ROS1: variants seen among roughly 807,000 people sequenced by gnomAD.
The protein encoded by ROS1 is ROS proto-oncogene 1, receptor tyrosine kinase, also known as proto-oncogene tyrosine-protein kinase ROS.
In ROS1, 263 loss-of-function variants were observed where a neutral mutation model predicts 273.5. The observed-to-expected ratio is 0.96, with a 90% CI of 0.87 to 1.06. The LOEUF is 1.06. Among genes scored for constraint, ROS1 ranks in the 50% least tolerant of loss-of-function variants. The pLI, the probability that ROS1 is intolerant of heterozygous loss-of-function variation, is 0.00. For missense variants in ROS1, 2,833 were observed against 2,751.1 expected (o/e 1.03, Z -0.67); for synonymous variants, 1,008 against 954.1 (o/e 1.06, Z -1.04).
At chr6:117,321,577 G>T (rs181363868) in intron 35 of ROS1, among the ~76,000 whole-genome samples, 183 bp from the exon 36 acceptor site, 2 of 152,066 alleles carry the variant, frequency 1.3e-5, no homozygotes, top group East Asian at 3.9e-4. Flanking sequence ...CAGGTAAAAA[G>T]CCATATATAA....
At chr6:117,407,174 C>T (rs1240981552) in intron 5 of ROS1, among the ~76,000 whole-genome samples, 1 of 152,252 alleles carries the variant, frequency 6.6e-6, no homozygotes, top group Non-Finnish European at 1.5e-5. Context: ...ATAAGTTTCC[C>T]CTTCCAATTT....
intron 34 of ROS1, among the ~76,000 whole-genome samples, chr6:117,325,527 A>G (rs1582625887): frequency 6.6e-6 from 1 of 152,298 alleles, no homozygotes; most frequent in East Asian, 1.9e-4. Context: ...GTAAATGGAG[A>G]GCCATTGTGG....
At chr6:117,367,219 A>G (rs1022196229) in intron 18 of ROS1, among the ~76,000 whole-genome samples, 2 of 152,232 alleles carry the variant, frequency 1.3e-5, no homozygotes, top group Non-Finnish European at 2.9e-5. Flanking sequence ...AATGCAATAA[A>G]TCATGATGGA....
chr6:117,387,950 G>T lies in ROS1; in HGVS notation c.1829C>A (p.Ser610Tyr), dbSNP rs188607208. 89 of 1,614,110 alleles carry T rather than the reference G, an allele frequency of 5.5e-5. No individual in the cohort carries two copies. In the East Asian group the frequency reaches 1.8e-3, roughly 32 times the overall value. Residue 610 changes from serine (S) to tyrosine (Y), a missense_variant, in exon 14 of 44, where the codon TCC becomes TAC. Transcript: ENST00000368507. ...WQNWTYEVKV[S>Y]TQDPPEVTHI... ...AGTGACTTCAGGAGGGTCTTGGGTGGATACTTTCACCTCATAGGTCCAGTT... is the reference window on the plus strand; with the variant it reads ...AGTGACTTCAGGAGGGTCTTGGGTGTATACTTTCACCTCATAGGTCCAGTT...
intron 35 of ROS1, among the ~76,000 whole-genome samples, chr6:117,322,596 AG>A (rs770483210): frequency 6.6e-6 from 1 of 152,244 alleles, no homozygotes; most frequent in Non-Finnish European, 1.5e-5. Context: ...GTTATGCATT[AG>A]ATATGACTGC....
chr6:117,376,966 T>C (rs1781380268), intron 18 of ROS1, among the ~76,000 whole-genome samples: 2 of 152,170 alleles, frequency 1.3e-5, no homozygotes, highest in Admixed American at 6.5e-5. Context: ...CAAAGCAAAG[T>C]AGAAGGACTG....
At chr6:117,310,598 T>A (rs1255684122) in intron 40 of ROS1, among the ~76,000 whole-genome samples, 1 of 152,084 alleles carries the variant, frequency 6.6e-6, no homozygotes, top group Non-Finnish European at 1.5e-5. Context: ...TGTGTCCATG[T>A]GTTCTCATTG....
At chr6:117,419,150 A>G (rs1288126871) in intron 1 of ROS1, among the ~76,000 whole-genome samples, 2 of 152,196 alleles carry the variant, frequency 1.3e-5, no homozygotes, top group Admixed American at 6.5e-5. Flanking sequence ...AGAAGAGAGC[A>G]GCATTCTATC....
intron 32 of ROS1, among the ~76,000 whole-genome samples, chr6:117,333,034 A>G (rs1337730353): frequency 2.6e-5 from 4 of 152,050 alleles, no homozygotes; most frequent in African/African-American, 9.6e-5. Context: ...AAAGCCCTCC[A>G]AAAAAAATCA....
intron 26 of ROS1, among the ~76,000 whole-genome samples, chr6:117,356,132 T>C (rs986632786): frequency 2.0e-5 from 3 of 152,226 alleles, no homozygotes; most frequent in African/African-American, 7.2e-5. Flanking sequence ...GACCAATTCA[T>C]GTTGAAAGTG....
intron 43 of ROS1, among the ~76,000 whole-genome samples, chr6:117,289,155 CTTAA>C: frequency 6.6e-6 from 1 of 152,214 alleles, no homozygotes. Context: ...TGTGATAGGA[CTTAA>C]TTGGCCCTTA....
At chr6:117,342,633 T>A (rs1213482161) in intron 28 of ROS1, 89 bp from the exon 29 acceptor site, 20 of 862,146 alleles carry the variant, frequency 2.3e-5, no homozygotes, top group Non-Finnish European at 3.1e-5. Context: ...AGAACAAAGT[T>A]AAAGGCTCAA....
At chr6:117,403,862 T>C (rs1228123140) in intron 6 of ROS1, among the ~76,000 whole-genome samples, 1 of 141,626 alleles carries the variant, frequency 7.1e-6, no homozygotes, top group Admixed American at 6.7e-5. Context: ...GAGATTAAAG[T>C]TCATCTGAAC....
intron 37 of ROS1, among the ~76,000 whole-genome samples, 186 bp from the exon 38 acceptor site, chr6:117,318,438 A>G (rs1331532231): frequency 6.6e-6 from 1 of 152,146 alleles, no homozygotes; most frequent in Non-Finnish European, 1.5e-5. Flanking sequence ...TGCTAGTAGA[A>G]GAATATGCAA....
intron 31 of ROS1, among the ~76,000 whole-genome samples, chr6:117,337,543 C>T: frequency 1.3e-5 from 2 of 150,114 alleles, no homozygotes; most frequent in South Asian, 2.3e-4. Flanking sequence ...AACTGATTTA[C>T]ATGACTGTTC....
Position 117,301,006 on chromosome 6 carries a change from T to C in ROS1, c.6683A>G (p.Asn2228Ser). 1.3e-6 allele frequency: 2 copies of C among 1,589,246 alleles called. No individual in the cohort carries two copies. Among genetic ancestry groups the C allele is most frequent in the Non-Finnish European group, 1.7e-6 (2 of 1,170,814 alleles). The change falls in exon 43 of 44, where the codon AAC (asparagine) becomes AGC (serine). Residue 2228 changes from asparagine (N) to serine (S), a missense_variant. By Grantham distance (46) the Asn-to-Ser change is conservative (BLOSUM62 1). Transcript: ENST00000368507. ...NSIYKSRDEANNSGVINESFE... is the reference protein window; with the variant it reads ...NSIYKSRDEASNSGVINESFE... ...GCTTTCATTTATGACTCCACTGTTG[T>C]TTGCTTCATCTCTGGACTTATAAAT...
At chr6:117,411,917 TA>T (rs368482003) in intron 4 of ROS1, among the ~76,000 whole-genome samples, 5 of 152,174 alleles carry the variant, frequency 3.3e-5, no homozygotes, top group African/African-American at 1.2e-4. Flanking sequence ...TGAAAATTGC[TA>T]GGACGAAAAT....
chr6:117,344,496 A>G (rs1166452146), intron 27 of ROS1, among the ~76,000 whole-genome samples: 1 of 152,184 alleles, frequency 6.6e-6, no homozygotes, highest in East Asian at 1.9e-4. Context: ...GCTACAGTCT[A>G]CCCAATGTCC....
In ROS1 at chr6:117,296,306, C is replaced by T. The variant is rs1279722590; in HGVS notation, c.6715+4668G>A. Among the ~76,000 whole-genome samples the T allele has an allele frequency of 5.3e-5, 8 of 151,622 alleles. 1 individual carries two copies. The highest frequency in any genetic ancestry group is 1.0e-4 in the Non-Finnish European group (7 of 67,970). ...GTCCCAGCTACTCGGAATGCCGAGGCATAAGAATCGCTTGAAACTGAAAGG... is the reference window on the plus strand; with the variant it reads ...GTCCCAGCTACTCGGAATGCCGAGGTATAAGAATCGCTTGAAACTGAAAGG... On this transcript the variant is annotated intron_variant, in intron 43 of 43. Coordinates refer to ENST00000368507, the MANE Select transcript of ROS1 (RefSeq NM_001378902.1).
Sources: allele counts gnomAD v4.1 joint callset (sites outside exome capture counted in the v4.1 genomes callset), GRCh38; gene constraint gnomAD v4.1.1; transcripts MANE v1.5; gene names NCBI Gene and HGNC (gene_info 2026-07-23, HGNC 2026-07-21).